RASSF5: variants seen among roughly 807,000 people sequenced by gnomAD.
RASSF5 encodes the protein ras association domain-containing protein 5.
In RASSF5, 25 loss-of-function variants were observed where a neutral mutation model predicts 40.5. The ratio of observed to expected loss-of-function variants is 0.62; its 90% CI spans 0.45 to 0.86. RASSF5 has a LOEUF of 0.86. Among genes scored for constraint, RASSF5 ranks in the 40% least tolerant of loss-of-function variants. RASSF5 has a pLI of 0.00. For missense variants in RASSF5, 521 were observed against 572.8 expected, an observed-to-expected ratio of 0.91 and a Z score of 0.92; for synonymous variants, 246 against 252.4, an observed-to-expected ratio of 0.97 and a Z score of 0.24.
intron 2 of RASSF5, among the ~76,000 whole-genome samples, chr1:206,570,429 G>A (rs910533219): frequency 9.2e-5 from 14 of 152,070 alleles, no homozygotes; most frequent in Non-Finnish European, 1.5e-5. Context: ...GTGCAGTGAC[G>A]TTAAGTATAA....
At chr1:206,545,122 T>C (rs1043706487) in intron 2 of RASSF5, among the ~76,000 whole-genome samples, 13 of 152,152 alleles carry the variant, frequency 8.5e-5, no homozygotes, top group African/African-American at 2.9e-4. Context: ...CTTGGGTCCC[T>C]TCTGGAAGCT....
intron 1 of RASSF5, among the ~76,000 whole-genome samples, chr1:206,522,085 G>A (rs1242569733): frequency 1.7e-4 from 26 of 151,830 alleles, no homozygotes; most frequent in African/African-American, 6.0e-4. Context: ...CCGTGGTGAT[G>A]ATCAAACCAG....
At chr1:206,511,345 G>T (rs569253675) in intron 1 of RASSF5, among the ~76,000 whole-genome samples, 1 of 152,318 alleles carries the variant, frequency 6.6e-6, no homozygotes, top group South Asian at 2.1e-4. Flanking sequence ...TATTCTCAGG[G>T]ACTTCCCCTT....
rs148225024 is a variant in RASSF5, at chr1:206,534,841, C to T, written c.458-3331C>T. 3.2e-3 allele frequency among the ~76,000 whole-genome samples: 484 copies of T among 152,300 alleles called. 1 individual carries two copies. The highest frequency in any genetic ancestry group is 0.011 in the African/African-American group (450 of 41,558). The stretch of plus-strand genomic sequence containing the variant: ...CAGACATTGATGCTGCTGCCAGAGG[C>T]GATGGCACTAGCTGCCCAGGGAGGG... On this transcript the variant is annotated intron_variant, in intron 1 of 5. Transcript: ENST00000579436.
chr1:206,518,418 G>A lies in RASSF5; in HGVS notation c.457+10359G>A, dbSNP rs141951578. The A allele has an allele frequency of 1.5e-3, 608 of 398,590 alleles. 2 individuals carry two copies. The highest frequency in any genetic ancestry group is 0.011 in the African/African-American group (534 of 48,756). The allele number at this position is 398,590 out of a possible 1,614,324, so 24.7% of individuals were successfully genotyped here. A position where few individuals can be genotyped will look rare whatever the true frequency, so the allele number is the denominator to read the frequency against. ...CGAGGGCCAGGAGGAGAAGGCAACCGCTGCCTGCTTTGGGACAGTCACTGC... is the reference window on the plus strand; with the variant it reads ...CGAGGGCCAGGAGGAGAAGGCAACCACTGCCTGCTTTGGGACAGTCACTGC... On this transcript the variant is annotated intron_variant, in intron 1 of 5. Transcript: ENST00000579436.
chr1:206,554,380 C>T (rs938098299), intron 2 of RASSF5, among the ~76,000 whole-genome samples: 5 of 152,150 alleles, frequency 3.3e-5, no homozygotes, highest in Non-Finnish European at 7.4e-5. Flanking sequence ...AGGATCTGGC[C>T]ACATGACAGG....
At chr1:206,518,269 G>A (rs1239248398) in intron 1 of RASSF5, 1 of 396,128 alleles carries the variant, frequency 2.5e-6, no homozygotes, top group East Asian at 3.6e-5. Flanking sequence ...CAGAGCCTGA[G>A]GGTCCAGGTG....
intron 2 of RASSF5, among the ~76,000 whole-genome samples, chr1:206,551,789 G>T (rs1023259537): frequency 2.6e-5 from 4 of 152,222 alleles, no homozygotes; most frequent in Non-Finnish European, 5.9e-5. Flanking sequence ...GGTGGGCTAG[G>T]CTAGCCCTGA....
intron 2 of RASSF5, among the ~76,000 whole-genome samples, chr1:206,555,660 T>A (rs990108765): frequency 2.0e-5 from 3 of 152,204 alleles, no homozygotes; most frequent in Non-Finnish European, 4.4e-5. Flanking sequence ...TCCTCTTATC[T>A]GCCTGCCAGA....
intron 1 of RASSF5, among the ~76,000 whole-genome samples, chr1:206,521,200 G>C (rs1168605979): frequency 6.6e-6 from 1 of 152,134 alleles, no homozygotes; most frequent in African/African-American, 2.4e-5. Context: ...AATAGGCCTA[G>C]GTCTCTCCAG....
At chr1:206,520,606 CA>C (rs548392441) in intron 1 of RASSF5, among the ~76,000 whole-genome samples, 143 of 119,624 alleles carry the variant, frequency 1.2e-3, no homozygotes, top group South Asian at 1.9e-3. Flanking sequence ...GACTCCATCT[CA>C]AAAAAAAAAA....
chr1:206,513,930 C>G lies in RASSF5; in HGVS notation c.457+5871C>G, dbSNP rs12124627. On this transcript the variant is annotated intron_variant, in intron 1 of 5. Transcript: ENST00000579436. This position sits in a 1 kb window ranked among gnomAD's most constrained non-coding sequence, Gnocchi z 5.0. ...CACCCCAAGGTCAAGACTATCTTGACTCACACCTGGGGAAGTGACTTTTGA... is the reference window on the plus strand; with the variant it reads ...CACCCCAAGGTCAAGACTATCTTGAGTCACACCTGGGGAAGTGACTTTTGA... 0.17 allele frequency among the ~76,000 whole-genome samples: 25,908 copies of G among 152,192 alleles called. 2,824 individuals are homozygous for G. Among genetic ancestry groups the G allele is most frequent in the Admixed American group, 0.24 (3,736 of 15,278 alleles).
chr1:206,566,425 A>T (rs1024724209), intron 2 of RASSF5, among the ~76,000 whole-genome samples: 5 of 152,118 alleles, frequency 3.3e-5, no homozygotes, highest in Non-Finnish European at 5.9e-5. Flanking sequence ...TGATCATCTC[A>T]TCAGCCTCCA....
In RASSF5 at chr1:206,535,715, G is replaced by GGTGT. The variant is rs782619931; in HGVS notation, c.458-2431_458-2428dup. Among the ~76,000 whole-genome samples, 40 of 145,114 alleles carry GGTGT rather than the reference G, an allele frequency of 2.8e-4. No homozygotes were observed. Among genetic ancestry groups the GGTGT allele is most frequent in the African/African-American group, 1.0e-3 (39 of 39,052 alleles). ...TGTGTGTGTGTGTCTGTGTGTGTGT[G>GGTGT]GTGTGTGTGTGTGTGTGTGTGTGTG... On this transcript the variant is annotated intron_variant, in intron 1 of 5. Transcript: ENST00000579436. This position sits in a 1 kb window ranked among gnomAD's most constrained non-coding sequence, Gnocchi z 5.0.
At chr1:206,556,821 T>TG (rs1668001814) in intron 2 of RASSF5, among the ~76,000 whole-genome samples, 1 of 151,514 alleles carries the variant, frequency 6.6e-6, no homozygotes, top group Admixed American at 6.6e-5. Flanking sequence ...ACCCAGCGAA[T>TG]GGGGGAGGGA....
At chr1:206,567,913 C>A (rs1668329805) in intron 2 of RASSF5, among the ~76,000 whole-genome samples, 1 of 152,124 alleles carries the variant, frequency 6.6e-6, no homozygotes, top group African/African-American at 2.4e-5. Context: ...GAAACTGAAG[C>A]ACGGGAAGGG....
At chr1:206,551,007 T>G (rs1328005836) in intron 2 of RASSF5, among the ~76,000 whole-genome samples, 1 of 152,202 alleles carries the variant, frequency 6.6e-6, no homozygotes, top group East Asian at 1.9e-4. Flanking sequence ...CTTAATAACT[T>G]TATGATCTAG....
intron 1 of RASSF5, chr1:206,529,485 G>A (rs1667181859): frequency 2.2e-6 from 3 of 1,388,398 alleles, no homozygotes; most frequent in African/African-American, 1.4e-5. Flanking sequence ...GGGACGTCTA[G>A]TCCACAGGAA....
At chr1:206,512,797 C>T (rs1319458259) in intron 1 of RASSF5, among the ~76,000 whole-genome samples, 1 of 152,208 alleles carries the variant, frequency 6.6e-6, no homozygotes, top group African/African-American at 2.4e-5. Flanking sequence ...GCCGCAAGGC[C>T]GAACCCAGGT....
Sources: allele counts gnomAD v4.1 joint callset (sites outside exome capture counted in the v4.1 genomes callset), GRCh38; gene constraint gnomAD v4.1.1; non-coding constraint Gnocchi (gnomAD v3.1); transcripts MANE v1.5; gene names NCBI Gene and HGNC (gene_info 2026-07-23, HGNC 2026-07-21).